Variants in EYS observed in about 807,000 individuals in gnomAD.
EYS encodes the protein protein eyes shut homolog.
In EYS, 250 loss-of-function variants were observed where a neutral mutation model predicts 282.1. The ratio of observed to expected loss-of-function variants is 0.89; its 90% CI spans 0.80 to 0.98. The LOEUF is 0.98. Among genes scored for constraint, EYS ranks in the 50% least tolerant of loss-of-function variants. The pLI is 0.00. For missense variants in EYS, 4,016 were observed against 3,709.0 expected (o/e 1.08, Z -2.15); for synonymous variants, 1,355 against 1,282.9 (o/e 1.06, Z -1.20).
chr6:63,809,895 G>A (rs1770997097), intron 36 of EYS, among the ~76,000 whole-genome samples: 2 of 151,802 alleles, frequency 1.3e-5, no homozygotes, highest in South Asian at 4.2e-4. Flanking sequence ...TCCCAATATG[G>A]CCGAGAAATA....
intron 12 of EYS, among the ~76,000 whole-genome samples, chr6:65,266,989 T>TATATAG (rs144200033): frequency 0.059 from 8,335 of 142,030 alleles, 394 homozygotes; most frequent in African/African-American, 0.13. Flanking sequence ...TATATATATA[T>TATATAG]AGAGAGAGAG....
At chr6:65,355,166 T>G (rs1002052339) in intron 8 of EYS, among the ~76,000 whole-genome samples, 2 of 152,104 alleles carry the variant, frequency 1.3e-5, no homozygotes, top group African/African-American at 4.8e-5. Flanking sequence ...AGTCATTTCT[T>G]CACTTAAAAC....
intron 1 of EYS, among the ~76,000 whole-genome samples, chr6:65,660,021 G>C (rs1195948616): frequency 1.3e-5 from 2 of 151,622 alleles, no homozygotes; most frequent in Non-Finnish European, 3.0e-5. Flanking sequence ...CTATAGTTGG[G>C]GACAGGACTG....
intron 1 of EYS, among the ~76,000 whole-genome samples, chr6:65,666,624 T>C (rs1768211653): frequency 6.6e-6 from 1 of 151,764 alleles, no homozygotes; most frequent in South Asian, 2.1e-4. Flanking sequence ...CATTGTGTTC[T>C]ACAGATATTG....
At chr6:65,215,697 A>C (rs1171402793) in intron 12 of EYS, among the ~76,000 whole-genome samples, 1 of 152,184 alleles carries the variant, frequency 6.6e-6, no homozygotes, top group Non-Finnish European at 1.5e-5. Flanking sequence ...TGTAAAAGGA[A>C]CTGTGCACCG....
chr6:65,332,833 T>G (rs1453451290), intron 11 of EYS, among the ~76,000 whole-genome samples: 1 of 151,432 alleles, frequency 6.6e-6, no homozygotes, highest in Non-Finnish European at 1.5e-5. Context: ...TGTTATAGGT[T>G]AGATTTCCTA....
At chr6:64,101,546 A>G (rs1772826910) in intron 31 of EYS, among the ~76,000 whole-genome samples, 1 of 137,712 alleles carries the variant, frequency 7.3e-6, no homozygotes, top group Admixed American at 7.1e-5. Flanking sequence ...AACAGAAACC[A>G]CAAACTTGGC....
intron 31 of EYS, among the ~76,000 whole-genome samples, chr6:64,092,541 A>T (rs1015131039): frequency 2.6e-5 from 4 of 152,118 alleles, no homozygotes; most frequent in African/African-American, 4.8e-5. Context: ...TTGGCTGCAT[A>T]AATGTCTTCT....
At chr6:65,369,233 T>C (rs116592939) in intron 8 of EYS, among the ~76,000 whole-genome samples, 30,721 of 145,894 alleles carry the variant, frequency 0.21, 3,815 homozygotes, top group Non-Finnish European at 0.27. Context: ...TATATATATA[T>C]ATACACATTT....
chr6:64,724,344 A>G (rs1245496467), intron 22 of EYS, among the ~76,000 whole-genome samples: 1 of 152,206 alleles, frequency 6.6e-6, no homozygotes, highest in Non-Finnish European at 1.5e-5. Flanking sequence ...GTGACAGAAC[A>G]TTGCTGTAAA....
chr6:65,247,664 C>G (rs1467248031), intron 12 of EYS, among the ~76,000 whole-genome samples: 1 of 151,936 alleles, frequency 6.6e-6, no homozygotes, highest in Non-Finnish European at 1.5e-5. Context: ...TACCAGACAC[C>G]TTGGCAAATT....
chr6:65,250,086 G>A (rs1156813619), intron 12 of EYS, among the ~76,000 whole-genome samples: 6 of 151,986 alleles, frequency 3.9e-5, no homozygotes, highest in African/African-American at 1.2e-4. Flanking sequence ...CTGGCAGATA[G>A]TATGTGGAAT....
At chr6:64,360,673 T>G (rs1200168127) in intron 29 of EYS, among the ~76,000 whole-genome samples, 2 of 151,812 alleles carry the variant, frequency 1.3e-5, no homozygotes, top group Admixed American at 6.6e-5. Context: ...TCTCTCTTAA[T>G]TTGTGTTATT....
chr6:64,944,379 C>G (rs1769202210), intron 15 of EYS, among the ~76,000 whole-genome samples: 1 of 152,008 alleles, frequency 6.6e-6, no homozygotes, highest in South Asian at 2.1e-4. Context: ...TAAGATTAAG[C>G]TAAAGAGCTT....
At chr6:65,147,791 C>A (rs913810638) in intron 12 of EYS, among the ~76,000 whole-genome samples, 1 of 151,976 alleles carries the variant, frequency 6.6e-6, no homozygotes, top group East Asian at 1.9e-4. Context: ...TTTAATTGAC[C>A]CACAGTTCCG....
intron 2 of EYS, among the ~76,000 whole-genome samples, chr6:65,618,197 T>C (rs12664949): frequency 0.32 from 48,322 of 149,964 alleles, 7,155 homozygotes; most frequent in Non-Finnish European, 0.45. Context: ...TATTTCTCCA[T>C]ATCCTCTCCA....
chr6:64,858,209 T>G (rs1766127442), intron 19 of EYS, among the ~76,000 whole-genome samples: 1 of 152,168 alleles, frequency 6.6e-6, no homozygotes, highest in South Asian at 2.1e-4. Context: ...TATGTTTTCT[T>G]TTAGTAGGTT....
intron 22 of EYS, among the ~76,000 whole-genome samples, chr6:64,748,186 A>G (rs1033854136): frequency 3.9e-5 from 6 of 152,238 alleles, no homozygotes; most frequent in South Asian, 4.1e-4. Context: ...CTACATATTT[A>G]AAGACATGTG....
chr6:64,327,046 A>G (rs1177544934), intron 29 of EYS, among the ~76,000 whole-genome samples: 2 of 152,094 alleles, frequency 1.3e-5, no homozygotes, highest in Non-Finnish European at 2.9e-5. Context: ...CGTTTCAGGG[A>G]CGGAGGAGGT....
Sources: gnomAD v4.1 joint callset for allele counts (sites outside exome capture counted in the v4.1 genomes callset) on GRCh38, gnomAD v4.1.1 for gene constraint, MANE v1.5 for transcripts, NCBI Gene and HGNC (gene_info 2026-07-23, HGNC 2026-07-21) for gene names.